Variants in CRYBA4 observed in about 807,000 individuals in gnomAD.
CRYBA4 encodes crystallin beta A4, also known as beta-crystallin A4.
In CRYBA4, 30 loss-of-function variants were observed where a neutral mutation model predicts 31.7. That is an observed-to-expected ratio of 0.95 (90% CI 0.71 to 1.28). The LOEUF is 1.28. CRYBA4 is among the 50% of genes most tolerant of loss of function. The pLI is 0.00. For synonymous variants in CRYBA4, 102 were observed against 102.3 expected (o/e 1.00, Z 0.02); for missense variants, 225 against 260.7 (o/e 0.86, Z 0.94).
chr22:26,612,225 T>G, the CRYBA4 span: 1 of 1,441,142 alleles, frequency 6.9e-7, no homozygotes, highest in Non-Finnish European at 9.8e-7. Flanking sequence ...AAGGGCAGAG[T>G]GAGGGGGGAG....
intron 4 of CRYBA4, 68 bp downstream of exon 4, chr22:26,625,690 G>A: frequency 2.6e-6 from 4 of 1,529,900 alleles, no homozygotes; most frequent in South Asian, 1.1e-5. Flanking sequence ...GGAATCAAAG[G>A]TTCCAGAGTT....
intron 1 of CRYBA4, among the ~76,000 whole-genome samples, chr22:26,622,292 C>G (rs1929554955): frequency 6.6e-6 from 1 of 152,026 alleles, no homozygotes. Context: ...ATGCACCCAC[C>G]CACCAGCAGC....
At chr22:26,616,401 C>T in the CRYBA4 span, 1 of 1,108,828 alleles carries the variant, frequency 9.0e-7, no homozygotes. Flanking sequence ...CTCATAGCCC[C>T]ACATCCTGTG....
chr22:26,612,020 G>A, the CRYBA4 span: 1 of 1,323,900 alleles, frequency 7.6e-7, no homozygotes, highest in Non-Finnish European at 1.1e-6. Flanking sequence ...CTACTGTTGT[G>A]TGGTCATTTT....
At chr22:26,611,253 C>T in the CRYBA4 span, among the ~76,000 whole-genome samples, 1 of 152,108 alleles carries the variant, frequency 6.6e-6, no homozygotes, top group Admixed American at 6.5e-5. Flanking sequence ...TTCCATCTGT[C>T]AAGTGGGCAT....
At chr22:26,593,829 G>A in the CRYBA4 span, among the ~76,000 whole-genome samples, 3 of 152,076 alleles carry the variant, frequency 2.0e-5, no homozygotes, top group Non-Finnish European at 4.4e-5. Context: ...CCCAACCACA[G>A]AAAACACTTT....
chr22:26,629,226 C>T (rs1929845725), intron 5 of CRYBA4, among the ~76,000 whole-genome samples: 1 of 151,752 alleles, frequency 6.6e-6, no homozygotes. Context: ...CTGAGGTGCC[C>T]CTTGGCTCCT....
chr22:26,606,849 A>G, the CRYBA4 span, among the ~76,000 whole-genome samples: 1 of 152,130 alleles, frequency 6.6e-6, no homozygotes, highest in African/African-American at 2.4e-5. Context: ...CTGGTTCATG[A>G]CTCATCATCA....
chr22:26,599,889 C>T, the CRYBA4 span, among the ~76,000 whole-genome samples: 3 of 152,174 alleles, frequency 2.0e-5, no homozygotes, highest in East Asian at 1.9e-4. Flanking sequence ...AGCATGGTCA[C>T]GGTGCCTGGT....
the CRYBA4 span, chr22:26,608,033 A>G: frequency 6.2e-7 from 1 of 1,614,132 alleles, no homozygotes. Context: ...TGGATACAAG[A>G]AGGACCATGA....
At chr22:26,599,383 T>A in the CRYBA4 span, 1 of 1,108,388 alleles carries the variant, frequency 9.0e-7, no homozygotes, top group Non-Finnish European at 1.3e-6. Context: ...TGTTTACAGA[T>A]CCAGGAGAAA....
chr22:26,628,144 G>T, intron 4 of CRYBA4, 144 bp from the exon 5 acceptor site: 1 of 1,036,068 alleles, frequency 9.7e-7, no homozygotes. Context: ...AAGGTTTCTG[G>T]TACCTGTTGC....
intron 3 of CRYBA4, among the ~76,000 whole-genome samples, chr22:26,624,351 G>A (rs1929638844): frequency 2.0e-5 from 3 of 151,860 alleles, no homozygotes; most frequent in African/African-American, 4.8e-5. Flanking sequence ...AGGTTGGAAA[G>A]TAGCTAGAAA....
At chr22:26,611,127 G>T in the CRYBA4 span, among the ~76,000 whole-genome samples, 1 of 152,184 alleles carries the variant, frequency 6.6e-6, no homozygotes, top group African/African-American at 2.4e-5. Context: ...AGGCAGTGAA[G>T]CATGGTGATT....
chr22:26,602,073 G>A, the CRYBA4 span: 2 of 1,607,860 alleles, frequency 1.2e-6, no homozygotes, highest in South Asian at 1.1e-5. Context: ...GGGACAAAGA[G>A]AAGAAACTTA....
rs757640333 is a variant in CRYBA4, at chr22:26,623,299, C to T, written c.105C>T (p.Ser35=). 6.8e-6 allele frequency: 11 copies of T among 1,613,920 alleles called. No individual in the cohort carries two copies. The highest frequency in any genetic ancestry group is 1.6e-4 in the Middle Eastern group (1 of 6,082). Residue 35 remains serine, a synonymous_variant, in exon 3 of 6, where the codon AGC becomes AGT. Coordinates refer to ENST00000354760, the MANE Select transcript of CRYBA4 (RefSeq NM_001886.3). ...ACGAGTTCACGGCCGAGTGCCCCAG[C>T]GTGCTGGAGCTTGGCTTCGAGACTG... ...RRHEFTAECP[S]VLELGFETVR... is the part of the protein sequence containing the mutation.
the CRYBA4 span, chr22:26,607,890 A>G: frequency 6.2e-7 from 1 of 1,614,096 alleles, no homozygotes; most frequent in Non-Finnish European, 8.5e-7. Context: ...GCCACTCACC[A>G]TTTTGATGGG....
At chr22:26,613,594 G>T in the CRYBA4 span, among the ~76,000 whole-genome samples, 2 of 152,190 alleles carry the variant, frequency 1.3e-5, no homozygotes, top group African/African-American at 2.4e-5. Flanking sequence ...CAATACCCTT[G>T]TGCTTTCCTA....
upstream of CRYBA4, among the ~76,000 whole-genome samples, chr22:26,618,523 G>A (rs937345594): frequency 5.3e-5 from 8 of 152,072 alleles, no homozygotes; most frequent in African/African-American, 1.9e-4. Flanking sequence ...AGGCAGATGT[G>A]GGTTTGATAT....
Sources: allele counts gnomAD v4.1 joint callset (sites outside exome capture counted in the v4.1 genomes callset), GRCh38; gene constraint gnomAD v4.1.1; transcripts MANE v1.5; gene names NCBI Gene and HGNC (gene_info 2026-07-23, HGNC 2026-07-21).